Variants in LMO7 observed in about 807,000 individuals in gnomAD.
LMO7 encodes the protein LIM domain only protein 7.
In LMO7, 120 loss-of-function variants were observed where a neutral mutation model predicts 206.5. That is an observed-to-expected ratio of 0.58 (90% confidence interval 0.50 to 0.68). The LOEUF is 0.68. Ranked by LOEUF, LMO7 falls within the 30% of genes least tolerant of loss-of-function variation. The probability of loss-of-function intolerance (pLI) is 0.00; values close to 1 mark genes in which losing one functional copy is unlikely to be tolerated. For missense variants in LMO7, 1,959 were observed against 1,957.9 expected (o/e 1.00, Z -0.01); for synonymous variants, 706 against 681.5 (o/e 1.04, Z -0.56).
intron 1 of LMO7, among the ~76,000 whole-genome samples, chr13:75,692,101 A>T (rs1488782429): frequency 1.3e-5 from 2 of 152,172 alleles, no homozygotes; most frequent in Non-Finnish European, 2.9e-5. Context: ...CTCCTCCTGC[A>T]TTATGTAGTC....
At chr13:75,727,190 C>T in intron 3 of LMO7, 92 bp downstream of exon 3, 1 of 724,248 alleles carries the variant, frequency 1.4e-6, no homozygotes, top group South Asian at 1.8e-5. Context: ...GCAATTACCA[C>T]TGAAATTAGG....
intron 8 of LMO7, 170 bp from the exon 9 acceptor site, chr13:75,805,309 T>G (rs1462454835): frequency 3.1e-5 from 29 of 922,128 alleles, no homozygotes; most frequent in Non-Finnish European, 4.6e-5. Flanking sequence ...TGAGTTAAAA[T>G]GAGATGCTGT....
intron 2 of LMO7, among the ~76,000 whole-genome samples, chr13:75,721,042 G>A (rs559603638): frequency 9.9e-5 from 15 of 152,020 alleles, no homozygotes; most frequent in Middle Eastern, 3.4e-3. Context: ...TTTTAGTAAG[G>A]CATTTACTTA....
intron 1 of LMO7, among the ~76,000 whole-genome samples, chr13:75,646,916 T>C (rs1203582691): frequency 6.6e-6 from 1 of 152,182 alleles, no homozygotes; most frequent in Non-Finnish European, 1.5e-5. Context: ...TGTGTTGCTG[T>C]TCCATCTGCA....
At chr13:75,838,433 CT>C (rs750031068) in intron 20 of LMO7, 24,474 of 298,868 alleles carry the variant, frequency 0.082, no homozygotes, top group South Asian at 0.18. Flanking sequence ...AAACATTTTA[CT>C]TTTTTTTTTT....
At chr13:75,626,012 T>A (rs1298861506) in intron 2 of LMO7, among the ~76,000 whole-genome samples, 2 of 152,192 alleles carry the variant, frequency 1.3e-5, no homozygotes, top group Non-Finnish European at 1.5e-5. Context: ...TTCTTCACAT[T>A]GTGTAGAGGT....
At chr13:75,841,242 C>T (rs927553470) in intron 23 of LMO7, 41 bp downstream of exon 23, 5 of 1,331,340 alleles carry the variant, frequency 3.8e-6, no homozygotes, top group Non-Finnish European at 4.3e-6. Context: ...CTTCTCTTTA[C>T]CTTGTTGGTG....
chr13:75,790,223 C>T (rs2053078083), intron 4 of LMO7, among the ~76,000 whole-genome samples: 1 of 152,122 alleles, frequency 6.6e-6, no homozygotes, highest in East Asian at 1.9e-4. Context: ...TGTCCTCCAG[C>T]CACTGCCCTG....
chr13:75,835,212 G>A, intron 17 of LMO7, 21 bp from the exon 18 acceptor site: 1 of 1,612,112 alleles, frequency 6.2e-7, no homozygotes, highest in Non-Finnish European at 8.5e-7. Context: ...AATCTCACCA[G>A]TATGGCTACC....
intron 14 of LMO7, among the ~76,000 whole-genome samples, chr13:75,822,268 C>A (rs1475391500): frequency 1.3e-5 from 2 of 151,912 alleles, no homozygotes; most frequent in African/African-American, 4.8e-5. Flanking sequence ...ATGTACAATC[C>A]TAAACTCTAA....
At chr13:75,745,444 C>A (rs2046762980) in intron 3 of LMO7, among the ~76,000 whole-genome samples, 1 of 152,018 alleles carries the variant, frequency 6.6e-6, no homozygotes, top group South Asian at 2.1e-4. Flanking sequence ...AAGAATAATA[C>A]AAAATCAGTG....
upstream of LMO7, among the ~76,000 whole-genome samples, chr13:75,635,153 T>TA (rs1398741184): frequency 3.9e-5 from 6 of 152,356 alleles, no homozygotes; most frequent in African/African-American, 1.4e-4. Context: ...CGCTAGGTTT[T>TA]AGATAGTATT....
intron 1 of LMO7, among the ~76,000 whole-genome samples, chr13:75,653,406 C>T (rs1361367946): frequency 6.6e-6 from 1 of 152,172 alleles, no homozygotes; most frequent in African/African-American, 2.4e-5. Context: ...AGGAGAATAA[C>T]AGTTTTGTGC....
At chr13:75,805,812 C>A (rs2055375727) in intron 9 of LMO7, 52 bp downstream of exon 9, 12 of 1,562,326 alleles carry the variant, frequency 7.7e-6, no homozygotes, top group African/African-American at 1.4e-5. Context: ...AGTACCCCAG[C>A]TGGGGTTCTA....
intron 11 of LMO7, among the ~76,000 whole-genome samples, chr13:75,815,678 A>G (rs2056910752): frequency 6.6e-6 from 1 of 152,022 alleles, no homozygotes; most frequent in Non-Finnish European, 1.5e-5. Context: ...GTTTGTTGAA[A>G]CTGGAGGTTG....
Position 75,840,065 on chromosome 13 carries a change from G to T in LMO7, c.3452-20G>T, listed in dbSNP as rs752563660. 2 of 1,612,320 alleles carry T rather than the reference G, an allele frequency of 1.2e-6. No homozygotes were observed. The highest frequency in any genetic ancestry group is 1.7e-6 in the Non-Finnish European group (2 of 1,178,576). On this transcript the variant is annotated intron_variant, in intron 20 of 30. Coordinates refer to ENST00000377534, the MANE Select transcript of LMO7 (RefSeq NM_001306080.2). ...CTTATATTGTATATTTTTCTTCCTT[G>T]CCCATGTGCTGCAACACAGGAAGCT...
chr13:75,776,094 GATAT>G (rs58885943), intron 4 of LMO7, among the ~76,000 whole-genome samples: 8 of 103,560 alleles, frequency 7.7e-5, no homozygotes, highest in East Asian at 3.0e-4. Context: ...AAATGTTGTG[GATAT>G]ATATATATAT....
At chr13:75,732,647 G>T (rs1239401278) in intron 3 of LMO7, among the ~76,000 whole-genome samples, 1 of 152,210 alleles carries the variant, frequency 6.6e-6, no homozygotes, top group Non-Finnish European at 1.5e-5. Flanking sequence ...TCTCTGTCCA[G>T]CTTTGTTCCA....
chr13:75,812,901 C>T (rs1434162949), intron 11 of LMO7, among the ~76,000 whole-genome samples: 1 of 152,222 alleles, frequency 6.6e-6, no homozygotes. Flanking sequence ...TTCAACACAA[C>T]ATACTAGAGC....
Sources: gnomAD v4.1 joint callset for allele counts (sites outside exome capture counted in the v4.1 genomes callset) on GRCh38, gnomAD v4.1.1 for gene constraint, MANE v1.5 for transcripts, NCBI Gene and HGNC (gene_info 2026-07-23, HGNC 2026-07-21) for gene names.